The following DNAH5 variants were observed in gnomAD, a reference collection of about 807,000 sequenced individuals.
DNAH5 encodes axonemal beta dynein heavy chain 5.
A neutral mutation model predicts 518.2 loss-of-function variants in DNAH5; 372 were observed. That is an observed-to-expected ratio of 0.72 (90% confidence interval 0.66 to 0.78). DNAH5 has a LOEUF of 0.78. Among genes scored for constraint, DNAH5 ranks in the 30% least tolerant of loss-of-function variants. The probability of loss-of-function intolerance (pLI) is 0.00; values close to 1 mark genes in which losing one functional copy is unlikely to be tolerated. For missense variants in DNAH5, 5,523 were observed against 5,687.0 expected (o/e 0.97, Z 0.93); for synonymous variants, 2,039 against 2,025.9 (o/e 1.01, Z -0.17).
chr5:13,914,028 G>A, intron 10 of DNAH5, 70 bp from the exon 11 acceptor site: 1 of 1,545,338 alleles, frequency 6.5e-7, no homozygotes, highest in Non-Finnish European at 8.8e-7. Flanking sequence ...CTTAAGTGAA[G>A]GCGACAGCAA....
At chr5:13,830,433 A>T (rs778610210) in intron 36 of DNAH5, among the ~76,000 whole-genome samples, 164 bp downstream of exon 36, 1 of 152,168 alleles carries the variant, frequency 6.6e-6, no homozygotes, top group Non-Finnish European at 1.5e-5. Context: ...AGTCAGGAGG[A>T]AGTAACATTT....
chr5:13,757,208 T>C (rs752205646), intron 61 of DNAH5, among the ~76,000 whole-genome samples: 1 of 152,188 alleles, frequency 6.6e-6, no homozygotes, highest in Non-Finnish European at 1.5e-5. Context: ...TTATATTCCT[T>C]TGGGTATATA....
chr5:13,845,089 G>A, intron 31 of DNAH5, 96 bp from the exon 32 acceptor site: 1 of 1,144,644 alleles, frequency 8.7e-7, no homozygotes, highest in East Asian at 2.5e-5. Context: ...AGAAGATTGT[G>A]TGACTTGTGA....
At position 13,723,385 on chromosome 5, in the gene DNAH5, C is replaced by T. The variant is rs7724069; in HGVS notation, c.12034-2140G>A. ...GCAGCTGTTTCTCAGCCACATGTTC[C>T]GCCATCACTGCATCTCTATAGTGCA... is the stretch of plus-strand genomic sequence containing the variant. On this transcript the variant is annotated intron_variant, in intron 70 of 78. Transcript: ENST00000265104. Among the ~76,000 whole-genome samples, 96 of 152,280 alleles carry T rather than the reference C, an allele frequency of 6.3e-4. 1 individual carries two copies. The highest frequency in any genetic ancestry group is 3.4e-3 in the Middle Eastern group (1 of 294).
In DNAH5 at chr5:13,778,584, A is replaced by AG. The variant is rs1561234442; in HGVS notation, c.8952-1230_8952-1229insC. Among the ~76,000 whole-genome samples, 24 of 74,002 alleles carry AG rather than the reference A, an allele frequency of 3.2e-4. 1 individual carries two copies. Among genetic ancestry groups the AG allele is most frequent in the African/African-American group, 1.3e-3 (23 of 17,982 alleles). The allele number at this position is 74,002 out of a possible 152,430, so 48.5% of individuals were successfully genotyped here. On this transcript the variant is annotated intron_variant, in intron 53 of 78. Coordinates refer to ENST00000265104, the MANE Select transcript of DNAH5 (RefSeq NM_001369.3). ...AAAGAAAGAAAGAAAGAAAGAAAGA[A>AG]AGAAAGAAAGAAAGAGAGAGAGAAA...
chr5:13,797,097 C>A (rs1378403309), intron 47 of DNAH5, among the ~76,000 whole-genome samples: 1 of 152,034 alleles, frequency 6.6e-6, no homozygotes. Context: ...CTATAAAAAC[C>A]CTAGAGGAAA....
intron 65 of DNAH5, among the ~76,000 whole-genome samples, chr5:13,744,321 T>A (rs1034381016): frequency 6.6e-6 from 1 of 151,692 alleles, no homozygotes; most frequent in Admixed American, 6.6e-5. Flanking sequence ...GAACAGAGGA[T>A]ACTAGAGGCT....
At chr5:13,740,922 C>T (rs959007051) in intron 65 of DNAH5, among the ~76,000 whole-genome samples, 11 of 152,198 alleles carry the variant, frequency 7.2e-5, no homozygotes, top group South Asian at 4.1e-4. Flanking sequence ...ATATGTTATG[C>T]TCCAGGGATA....
intron 1 of DNAH5, among the ~76,000 whole-genome samples, chr5:13,949,853 A>C (rs561911917): frequency 3.3e-5 from 5 of 152,310 alleles, no homozygotes; most frequent in South Asian, 4.1e-4. Context: ...TCCTGGCTTT[A>C]GGACGTTACG....
At chr5:13,988,727 C>CTCTTTTTTT (rs1783249722) in intron 1 of DNAH5, among the ~76,000 whole-genome samples, 1 of 126,606 alleles carries the variant, frequency 7.9e-6, no homozygotes, top group Non-Finnish European at 1.6e-5. Context: ...CAGCCCAAAT[C>CTCTTTTTTT]TTTTTTTTTT....
At chr5:13,769,244 G>GTTT (rs1473645297) in intron 57 of DNAH5, 108 bp from the exon 58 acceptor site, 83 of 878,778 alleles carry the variant, frequency 9.4e-5, no homozygotes, top group Non-Finnish European at 1.2e-4. Flanking sequence ...ACCCAGTTTT[G>GTTT]TTGTTTTTTT....
intron 1 of DNAH5, among the ~76,000 whole-genome samples, chr5:13,993,636 C>T (rs1167480648): frequency 1.3e-5 from 2 of 152,144 alleles, no homozygotes; most frequent in Non-Finnish European, 2.9e-5. Context: ...GCATAAATAA[C>T]GTGAATCTTA....
At chr5:13,988,288 T>C (rs1257690793) in intron 1 of DNAH5, among the ~76,000 whole-genome samples, 1 of 152,200 alleles carries the variant, frequency 6.6e-6, no homozygotes, top group Non-Finnish European at 1.5e-5. Flanking sequence ...GTCCCTTTGG[T>C]CTCCCATTCT....
intron 55 of DNAH5, among the ~76,000 whole-genome samples, chr5:13,773,133 C>T (rs1753577123): frequency 6.6e-6 from 1 of 152,112 alleles, no homozygotes; most frequent in South Asian, 2.1e-4. Flanking sequence ...ATTACTATGA[C>T]TAGCATAGTA....
chr5:13,869,785 T>C (rs1255798704), intron 24 of DNAH5, among the ~76,000 whole-genome samples: 2 of 152,070 alleles, frequency 1.3e-5, no homozygotes, highest in African/African-American at 4.8e-5. Context: ...ACAATGCTAC[T>C]TTTTAATTAG....
intron 68 of DNAH5, among the ~76,000 whole-genome samples, chr5:13,731,043 C>T (rs1220245081): frequency 6.6e-6 from 1 of 152,116 alleles, no homozygotes; most frequent in African/African-American, 2.4e-5. Flanking sequence ...ATCCATTTGG[C>T]CACTTTAAAA....
intron 65 of DNAH5, among the ~76,000 whole-genome samples, chr5:13,743,220 T>C (rs935601681): frequency 6.6e-6 from 1 of 152,038 alleles, no homozygotes; most frequent in East Asian, 1.9e-4. Flanking sequence ...AGATAGATGA[T>C]AGATAAAAGT....
At chr5:13,918,922 C>T (rs1776951534) in intron 7 of DNAH5, among the ~76,000 whole-genome samples, 1 of 152,138 alleles carries the variant, frequency 6.6e-6, no homozygotes, top group Non-Finnish European at 1.5e-5. Context: ...TATAAACATG[C>T]TATCATGTTC....
At chr5:13,940,490 C>T (rs1209426232) in intron 1 of DNAH5, among the ~76,000 whole-genome samples, 4 of 152,152 alleles carry the variant, frequency 2.6e-5, no homozygotes, top group Non-Finnish European at 4.4e-5. Context: ...ATTCATACAA[C>T]AAACCACTGT....
Sources: allele counts gnomAD v4.1 joint callset (sites outside exome capture counted in the v4.1 genomes callset), GRCh38; gene constraint gnomAD v4.1.1; transcripts MANE v1.5; gene names NCBI Gene and HGNC (gene_info 2026-07-23, HGNC 2026-07-21).